Variants in CMTM8 observed in about 807,000 individuals in gnomAD.
CMTM8 encodes the protein CKLF like MARVEL transmembrane domain containing 8, also known as CKLF-like MARVEL transmembrane domain-containing protein 8.
Under a neutral mutation model 18.6 loss-of-function variants are expected in CMTM8, and 12 were observed. That is an observed-to-expected ratio of 0.65 (90% CI 0.41 to 1.05). The LOEUF (loss-of-function observed/expected upper bound fraction) is 1.05. Among genes scored for constraint, CMTM8 ranks in the 50% least tolerant of loss-of-function variants. The pLI, the probability that CMTM8 is intolerant of heterozygous loss-of-function variation, is 0.00. For missense variants in CMTM8, 217 were observed against 227.2 expected (o/e 0.95, Z 0.29); for synonymous variants, 87 against 90.6 (o/e 0.96, Z 0.23).
At chr3:32,356,405 C>G (rs1276719479) in intron 1 of CMTM8, among the ~76,000 whole-genome samples, 3 of 152,220 alleles carry the variant, frequency 2.0e-5, no homozygotes, top group Admixed American at 6.5e-5. Context: ...ATACCTTGCT[C>G]TAGCCTTCCT....
chr3:32,247,983 T>C (rs1439296437), intron 1 of CMTM8, among the ~76,000 whole-genome samples: 2 of 152,194 alleles, frequency 1.3e-5, no homozygotes, highest in Non-Finnish European at 2.9e-5. Flanking sequence ...GCCCTTTTGG[T>C]CTGACTTAAT....
At chr3:32,310,213 G>A (rs1695794164) in intron 1 of CMTM8, among the ~76,000 whole-genome samples, 1 of 151,698 alleles carries the variant, frequency 6.6e-6, no homozygotes, top group East Asian at 1.9e-4. Context: ...TTTGAAATTA[G>A]GTACTCAACT....
chr3:32,330,753 T>G (rs1696260354), intron 1 of CMTM8, among the ~76,000 whole-genome samples: 1 of 152,176 alleles, frequency 6.6e-6, no homozygotes, highest in Admixed American at 6.5e-5. Context: ...AAGGACAGTC[T>G]CTTCAACAAA....
At chr3:32,341,438 T>C (rs566356053) in intron 1 of CMTM8, among the ~76,000 whole-genome samples, 85 of 152,354 alleles carry the variant, frequency 5.6e-4, no homozygotes, top group African/African-American at 1.7e-3. Context: ...TTTTAAGGTA[T>C]TAATCACAAT....
chr3:32,345,867 G>T (rs969411965), intron 1 of CMTM8, among the ~76,000 whole-genome samples: 2 of 152,146 alleles, frequency 1.3e-5, no homozygotes, highest in Non-Finnish European at 2.9e-5. Flanking sequence ...GAAAATTCTA[G>T]AAATCAGGCA....
chr3:32,268,590 T>TA (rs370663179), intron 1 of CMTM8, among the ~76,000 whole-genome samples: 1,869 of 147,434 alleles, frequency 0.013, 17 homozygotes, highest in African/African-American at 0.026. Context: ...ACTTAAAGTA[T>TA]AAAAAAAAAA....
intron 1 of CMTM8, among the ~76,000 whole-genome samples, chr3:32,326,718 G>A (rs1696165593): frequency 6.6e-6 from 1 of 151,918 alleles, no homozygotes; most frequent in South Asian, 2.1e-4. Context: ...GTTTCACCGT[G>A]TTGGCCAGGC....
rs1459351352 is a variant in CMTM8, at chr3:32,295,466, AAAAAAAAAAAAACAAAAC to A, written c.147+56352_147+56369del. 9.2e-5 allele frequency among the ~76,000 whole-genome samples: 13 copies of A among 140,606 alleles called. 1 individual carries two copies. The highest frequency in any genetic ancestry group is 3.7e-4 in the African/African-American group (13 of 35,370). 92.2% of individuals were successfully genotyped at this position (140,606 alleles called of 152,430 possible). A position where few individuals can be genotyped will look rare whatever the true frequency, so the allele number is the denominator to read the frequency against. The stretch of plus-strand genomic sequence containing the variant: ...GCGAGACTCCATCTCAAAAAAAAAA[AAAAAAAAAAAAACAAAAC>A]AAAACAGCGGAAAGAGAAAATCCCT... On this transcript the variant is annotated intron_variant, in intron 1 of 3. Coordinates refer to ENST00000307526, the MANE Select transcript of CMTM8 (RefSeq NM_178868.5).
chr3:32,253,096 A>G (rs1702134775), intron 1 of CMTM8, among the ~76,000 whole-genome samples: 1 of 152,102 alleles, frequency 6.6e-6, no homozygotes, highest in African/African-American at 2.4e-5. Flanking sequence ...GTATTAGGAA[A>G]CCTAATGTTG....
chr3:32,270,679 T>A (rs1057369060), intron 1 of CMTM8, among the ~76,000 whole-genome samples: 2 of 151,994 alleles, frequency 1.3e-5, no homozygotes, highest in South Asian at 2.1e-4. Context: ...GTGAGAACAC[T>A]TGGACACAGG....
At chr3:32,239,475 G>A (rs1222385090) in intron 1 of CMTM8, among the ~76,000 whole-genome samples, 1 of 152,050 alleles carries the variant, frequency 6.6e-6, no homozygotes, top group Non-Finnish European at 1.5e-5. Context: ...TGATCTCCAC[G>A]TGGATGGCCT....
chr3:32,269,788 T>C (rs1011815509), intron 1 of CMTM8, among the ~76,000 whole-genome samples: 1 of 152,206 alleles, frequency 6.6e-6, no homozygotes, highest in Non-Finnish European at 1.5e-5. Flanking sequence ...ACAATTTATT[T>C]GTTTTAAGAG....
chr3:32,305,594 G>T (rs1246056655), intron 1 of CMTM8, among the ~76,000 whole-genome samples: 7 of 152,094 alleles, frequency 4.6e-5, no homozygotes, highest in Admixed American at 6.5e-5. Flanking sequence ...ATTCATCTAC[G>T]AGCCTTAATG....
intron 1 of CMTM8, among the ~76,000 whole-genome samples, chr3:32,280,663 T>C (rs1244433750): frequency 6.6e-6 from 1 of 151,950 alleles, no homozygotes; most frequent in East Asian, 1.9e-4. Flanking sequence ...TTTGTGTGTT[T>C]TGTCCAATTC....
At chr3:32,257,646 A>G (rs1702191227) in intron 1 of CMTM8, among the ~76,000 whole-genome samples, 2 of 151,720 alleles carry the variant, frequency 1.3e-5, no homozygotes, top group Non-Finnish European at 2.9e-5. Context: ...TTTTAGTCTG[A>G]TCTCTTTTTT....
At chr3:32,259,373 G>T (rs1324396916) in intron 1 of CMTM8, 10 of 822,720 alleles carry the variant, frequency 1.2e-5, no homozygotes, top group Non-Finnish European at 1.9e-5. Context: ...AAATACTGTG[G>T]ACAATGCCCG....
intron 1 of CMTM8, among the ~76,000 whole-genome samples, chr3:32,246,965 G>T (rs1702023224): frequency 6.6e-6 from 1 of 152,118 alleles, no homozygotes; most frequent in Admixed American, 6.5e-5. Flanking sequence ...GCTGGGCGTA[G>T]TGGCAGGCAC....
intron 1 of CMTM8, among the ~76,000 whole-genome samples, chr3:32,319,327 C>G (rs1291405021): frequency 6.6e-6 from 1 of 151,620 alleles, no homozygotes. Context: ...GATCCGCCCA[C>G]CTCGGCCTCC....
At chr3:32,306,205 A>G (rs1011740546) in intron 1 of CMTM8, among the ~76,000 whole-genome samples, 1 of 152,232 alleles carries the variant, frequency 6.6e-6, no homozygotes, top group Non-Finnish European at 1.5e-5. Context: ...TAAGAGGTCC[A>G]TGGCACATTG....
Sources: allele counts gnomAD v4.1 joint callset (sites outside exome capture counted in the v4.1 genomes callset), GRCh38; gene constraint gnomAD v4.1.1; transcripts MANE v1.5; gene names NCBI Gene and HGNC (gene_info 2026-07-23, HGNC 2026-07-21).